MTMR2: variants seen among roughly 807,000 people sequenced by gnomAD.
The protein encoded by MTMR2 is phosphatidylinositol-3,5-bisphosphate 3-phosphatase MTMR2.
Under a neutral mutation model 86.9 loss-of-function variants are expected in MTMR2, and 55 were observed. The ratio of observed to expected loss-of-function variants is 0.63; its 90% CI spans 0.51 to 0.79. The LOEUF is 0.79. Among genes scored for constraint, MTMR2 ranks in the 30% least tolerant of loss-of-function variants. The probability of loss-of-function intolerance (pLI) is 0.00; values close to 1 mark genes in which losing one functional copy is unlikely to be tolerated. For missense variants in MTMR2, 659 were observed against 772.3 expected, an observed-to-expected ratio of 0.85 and a Z score of 1.74; for synonymous variants, 241 against 266.8, an observed-to-expected ratio of 0.90 and a Z score of 0.94.
intron 10 of MTMR2, among the ~76,000 whole-genome samples, chr11:95,846,076 A>T (rs528648997): frequency 5.9e-5 from 9 of 152,258 alleles, no homozygotes; most frequent in African/African-American, 1.2e-4. Flanking sequence ...GGGTACTATG[A>T]CGATCTTGAC....
intron 1 of MTMR2, among the ~76,000 whole-genome samples, chr11:95,906,907 T>A (rs1328416823): frequency 6.6e-6 from 1 of 152,022 alleles, no homozygotes; most frequent in African/African-American, 2.4e-5. Context: ...AATCCCCATA[T>A]CGAAAAATGA....
At chr11:95,875,820 T>A (rs944927343) in intron 2 of MTMR2, among the ~76,000 whole-genome samples, 1 of 152,320 alleles carries the variant, frequency 6.6e-6, no homozygotes, top group Non-Finnish European at 1.5e-5. Context: ...CTTCTAACAG[T>A]CAGGACCCTC....
chr11:95,864,172 G>A (rs1388824947), intron 3 of MTMR2, among the ~76,000 whole-genome samples: 1 of 152,108 alleles, frequency 6.6e-6, no homozygotes, highest in Non-Finnish European at 1.5e-5. Context: ...CTTACATTAG[G>A]ACAGGGGTTC....
intron 2 of MTMR2, among the ~76,000 whole-genome samples, chr11:95,877,230 C>G (rs1179772499): frequency 1.3e-5 from 2 of 148,312 alleles, no homozygotes; most frequent in African/African-American, 5.0e-5. Context: ...ATGAACCATG[C>G]AAACAAAAAT....
chr11:95,879,752 A>G (rs1408009239), intron 2 of MTMR2, among the ~76,000 whole-genome samples: 1 of 152,148 alleles, frequency 6.6e-6, no homozygotes, highest in Non-Finnish European at 1.5e-5. Context: ...AATAGTAAAC[A>G]TATAAATAAA....
intron 1 of MTMR2, among the ~76,000 whole-genome samples, chr11:95,918,225 T>A (rs909961876): frequency 2.6e-5 from 4 of 152,204 alleles, no homozygotes; most frequent in Non-Finnish European, 5.9e-5. Context: ...AACTTCAGCA[T>A]CCATCGGGAT....
chr11:95,883,721 C>A (rs564445857), intron 2 of MTMR2, among the ~76,000 whole-genome samples: 129 of 152,336 alleles, frequency 8.5e-4, no homozygotes, highest in African/African-American at 3.0e-3. Flanking sequence ...AGTTCCATCC[C>A]CAGCCCATTT....
chr11:95,860,885 C>T (rs571290101), intron 5 of MTMR2, among the ~76,000 whole-genome samples: 195 of 152,146 alleles, frequency 1.3e-3, no homozygotes, highest in African/African-American at 4.3e-3. Context: ...TGGCCGGGCA[C>T]GGTGGCTCAC....
intron 1 of MTMR2, among the ~76,000 whole-genome samples, chr11:95,888,594 C>T (rs542664853): frequency 1.3e-5 from 2 of 152,222 alleles, no homozygotes; most frequent in South Asian, 4.1e-4. Context: ...CTACACCAGG[C>T]ACTGTGATTT....
At chr11:95,844,116 A>G (rs1229102020) in intron 11 of MTMR2, among the ~76,000 whole-genome samples, 1 of 152,172 alleles carries the variant, frequency 6.6e-6, no homozygotes, top group Admixed American at 6.5e-5. Flanking sequence ...GCAACTTCGA[A>G]CACCCCAAAA....
chr11:95,857,730 T>C, intron 6 of MTMR2, 95 bp from the exon 7 acceptor site: 1 of 776,198 alleles, frequency 1.3e-6, no homozygotes, highest in Non-Finnish European at 2.2e-6. Flanking sequence ...TTCATTTATT[T>C]ATCTGCAAGA....
At chr11:95,889,204 G>A (rs1035275793) in intron 1 of MTMR2, among the ~76,000 whole-genome samples, 1 of 150,492 alleles carries the variant, frequency 6.6e-6, no homozygotes, top group Admixed American at 6.6e-5. Flanking sequence ...TGCGATCTCC[G>A]GTCACTGCAA....
chr11:95,913,094 T>C (rs1181254267), intron 1 of MTMR2: 1 of 152,154 alleles, frequency 6.6e-6, no homozygotes, highest in Non-Finnish European at 1.5e-5. Flanking sequence ...CATATCTGAC[T>C]AAAAATGAAG....
intron 1 of MTMR2, among the ~76,000 whole-genome samples, chr11:95,915,297 C>A (rs1358043946): frequency 1.3e-5 from 2 of 152,128 alleles, no homozygotes; most frequent in Admixed American, 6.6e-5. Context: ...CTCCTCCCTA[C>A]CTCAGCAACT....
At chr11:95,844,270 A>T (rs142973291) in intron 11 of MTMR2, among the ~76,000 whole-genome samples, 169 of 152,308 alleles carry the variant, frequency 1.1e-3, no homozygotes, top group African/African-American at 3.9e-3. Flanking sequence ...CCATCTGAAT[A>T]AACACTCCAG....
chr11:95,892,481 A>G (rs1565377138), intron 1 of MTMR2, among the ~76,000 whole-genome samples: 1 of 152,252 alleles, frequency 6.6e-6, no homozygotes, highest in Non-Finnish European at 1.5e-5. Context: ...TAAAATTACA[A>G]ACTCCAAATA....
intron 7 of MTMR2, among the ~76,000 whole-genome samples, chr11:95,852,609 C>T (rs1590987261): frequency 6.6e-6 from 1 of 152,198 alleles, no homozygotes; most frequent in Non-Finnish European, 1.5e-5. Flanking sequence ...CTCCTGATTT[C>T]GTTGACTTCA....
chr11:95,901,817 A>C (rs1866085191), intron 1 of MTMR2, among the ~76,000 whole-genome samples: 1 of 152,216 alleles, frequency 6.6e-6, no homozygotes, highest in African/African-American at 2.4e-5. Flanking sequence ...GAGCAGATAA[A>C]GCTTAACTGG....
rs1050718421 is a variant in MTMR2 at position 95,875,343 on chromosome 11, A to G, written c.187-9667T>C. 3.9e-5 allele frequency among the ~76,000 whole-genome samples: 6 copies of G among 152,032 alleles called. No homozygotes were observed. The East Asian group carries it at 1.2e-3, about 29-fold the overall frequency. On this transcript the variant is annotated intron_variant, in intron 2 of 14. Transcript: ENST00000346299. Reference sequence around the variant, plus strand: ...CTTCTCTTCTCGCTTCATTTCATTCATTTGATCTTCCATCACTGATACCCT... The same window carrying G: ...CTTCTCTTCTCGCTTCATTTCATTCGTTTGATCTTCCATCACTGATACCCT...
Sources: gnomAD v4.1 joint callset for allele counts (sites outside exome capture counted in the v4.1 genomes callset) on GRCh38, gnomAD v4.1.1 for gene constraint, MANE v1.5 for transcripts, NCBI Gene and HGNC (gene_info 2026-07-23, HGNC 2026-07-21) for gene names.